Variants in MTMR2 observed in about 807,000 individuals in gnomAD.
MTMR2 encodes myotubularin related protein 2, also known as phosphatidylinositol-3,5-bisphosphate 3-phosphatase MTMR2.
MTMR2 carries 55 observed loss-of-function variants against 86.9 expected under a neutral mutation model. The observed-to-expected ratio is 0.63, with a 90% CI of 0.51 to 0.79. The LOEUF is 0.79. Ranked by LOEUF, MTMR2 falls within the 30% of genes least tolerant of loss-of-function variation. The pLI is 0.00. For missense variants in MTMR2, 659 were observed against 772.3 expected (o/e 0.85, Z 1.74); for synonymous variants, 241 against 266.8 (o/e 0.90, Z 0.94).
At chr11:95,891,826 CAGAG>C (rs915936117) in intron 1 of MTMR2, among the ~76,000 whole-genome samples, 13 of 151,538 alleles carry the variant, frequency 8.6e-5, no homozygotes, top group African/African-American at 3.2e-4. Flanking sequence ...CACACACACA[CAGAG>C]AGAGAGAAAG....
Position 95,833,292 on chromosome 11 carries a change from C to A in MTMR2, c.*1998G>T, listed in dbSNP as rs1014460569. On this transcript the variant is annotated 3_prime_UTR_variant, in exon 15 of 15. Transcript: ENST00000346299. ...GGAGCTTCAACTTAATCATACTGGTCTCTAAATTTTGTAACCCTAATCAAA... is the reference window on the plus strand; with the variant it reads ...GGAGCTTCAACTTAATCATACTGGTATCTAAATTTTGTAACCCTAATCAAA... 1 of 152,028 alleles carries A rather than the reference C, an allele frequency of 6.6e-6. No individual in the cohort carries two copies. The highest frequency in any genetic ancestry group is 2.4e-5 in the African/African-American group (1 of 41,398). The allele number at this position is 152,028 out of a possible 1,614,324, so 9.4% of individuals were successfully genotyped here. A position where few individuals can be genotyped will look rare whatever the true frequency, so the allele number is the denominator to read the frequency against.
At chr11:95,882,032 G>A (rs940296489) in intron 2 of MTMR2, among the ~76,000 whole-genome samples, 6 of 152,084 alleles carry the variant, frequency 3.9e-5, no homozygotes, top group African/African-American at 9.7e-5. Flanking sequence ...AAGGGAGGTC[G>A]TGGTGCTAAT....
rs1405741293 is a variant in MTMR2, at chr11:95,923,861, G to A, written c.80+14C>T. ...CCTTCGGACGCTGGGCGGGGCCCTGGGCGTCCTGGTTACCTGGACAAGGAG... is the reference window on the plus strand; with the variant it reads ...CCTTCGGACGCTGGGCGGGGCCCTGAGCGTCCTGGTTACCTGGACAAGGAG... On this transcript the variant is annotated intron_variant, in intron 1 of 14. Coordinates refer to ENST00000346299, the MANE Select transcript of MTMR2 (RefSeq NM_016156.6). The A allele has an allele frequency of 3.9e-6, 6 of 1,536,826 alleles. No homozygotes were observed. The highest frequency in any genetic ancestry group is 5.3e-6 in the Non-Finnish European group (6 of 1,137,000).
chr11:95,861,206 T>C lies in MTMR2; in HGVS notation c.468+786A>G, dbSNP rs565564853. 3.3e-3 allele frequency among the ~76,000 whole-genome samples: 500 copies of C among 151,178 alleles called. 1 individual carries two copies. Among genetic ancestry groups the C allele is most frequent in the South Asian group, 0.012 (59 of 4,804 alleles). On this transcript the variant is annotated intron_variant, in intron 5 of 14. Transcript: ENST00000346299. ...TAGAAACAGAAAAGATAGGTGATGA[T>C]GAATATAACATATTTAGTTATTTAG... is the stretch of plus-strand genomic sequence containing the variant.
chr11:95,861,094 A>G (rs1307633215), intron 5 of MTMR2, among the ~76,000 whole-genome samples: 1 of 150,680 alleles, frequency 6.6e-6, no homozygotes, highest in Non-Finnish European at 1.5e-5. Context: ...CAGGAGACGG[A>G]GCTTGCAGTG....
chr11:95,901,803 C>T (rs1165010786), intron 1 of MTMR2, among the ~76,000 whole-genome samples: 1 of 152,108 alleles, frequency 6.6e-6, no homozygotes, highest in African/African-American at 2.4e-5. Flanking sequence ...GGGAATGCTC[C>T]TTGGAGCAGA....
In MTMR2 at chr11:95,838,082, T is replaced by G. The variant is rs1863364567; in HGVS notation, c.1593+12A>C. The G allele has an allele frequency of 6.6e-7, 1 of 1,505,174 alleles. No homozygotes were observed. Among genetic ancestry groups the G allele is most frequent in the South Asian group, 1.1e-5 (1 of 88,702 alleles). 93.2% of individuals were successfully genotyped at this position (1,505,174 alleles called of 1,614,324 possible). Reference sequence around the variant, plus strand: ...AGAGATAGTATGGGGAAGGTCATGTTTCATATTTTACCTCTTTTCCTCTCT... The same window carrying G: ...AGAGATAGTATGGGGAAGGTCATGTGTCATATTTTACCTCTTTTCCTCTCT... On this transcript the variant is annotated intron_variant, in intron 13 of 14. Transcript: ENST00000346299.
chr11:95,864,174 C>G (rs1165264506), intron 3 of MTMR2, among the ~76,000 whole-genome samples: 2 of 152,024 alleles, frequency 1.3e-5, no homozygotes, highest in Admixed American at 1.3e-4. Context: ...TACATTAGGA[C>G]AGGGGTTCAC....
chr11:95,892,304 C>CTGGTTTAAA lies in MTMR2; in HGVS notation c.81-4052_81-4044dup, dbSNP rs1865740868. On this transcript the variant is annotated intron_variant, in intron 1 of 14. Transcript: ENST00000346299. Reference sequence around the variant, plus strand: ...TAACATCCTACCTACCCTTTAAGACCTGGTTTAAAAAACTAACTTCTCCAA... The same window carrying CTGGTTTAAA: ...TAACATCCTACCTACCCTTTAAGACCTGGTTTAAATGGTTTAAAAAACTAACTTCTCCAA... Among the ~76,000 whole-genome samples the CTGGTTTAAA allele has an allele frequency of 2.0e-5, 3 of 152,144 alleles. No homozygotes were observed. In the South Asian group the frequency reaches 6.2e-4, roughly 32 times the overall value.
chr11:95,857,163 A>G (rs1864244361), intron 7 of MTMR2, among the ~76,000 whole-genome samples: 1 of 152,178 alleles, frequency 6.6e-6, no homozygotes, highest in South Asian at 2.1e-4. Context: ...TGAAATTTAA[A>G]TACAAAAGTA....
At chr11:95,851,145 C>G (rs980824167) in intron 7 of MTMR2, among the ~76,000 whole-genome samples, 3 of 149,594 alleles carry the variant, frequency 2.0e-5, no homozygotes, top group African/African-American at 7.4e-5. Context: ...GCACTGCAAC[C>G]TCCGCCTCCT....
chr11:95,923,716 C>T, intron 1 of MTMR2, 159 bp downstream of exon 1: 3 of 1,451,436 alleles, frequency 2.1e-6, no homozygotes, highest in Non-Finnish European at 2.7e-6. Context: ...CCTCCACGCC[C>T]CAGGGAGGGA....
rs377431314 is a variant in MTMR2 at position 95,844,940 on chromosome 11, G to A, written c.1386+13C>T. 1.3e-6 allele frequency: 2 copies of A among 1,579,632 alleles called. No individual in the cohort carries two copies. Among genetic ancestry groups the A allele is most frequent in the East Asian group, 4.5e-5 (2 of 44,780 alleles). ...TGCATGTGATATATCCAAAGTCAAG[G>A]TTCCTTACTTACTAGTTGAAATCGA... On this transcript the variant is annotated intron_variant, in intron 11 of 14. Coordinates refer to ENST00000346299, the MANE Select transcript of MTMR2 (RefSeq NM_016156.6).
In MTMR2 at chr11:95,836,251, T is replaced by C. The variant is rs147170889; in HGVS notation, c.1667A>G (p.Tyr556Cys). Residue 556 changes from tyrosine (Y) to cysteine (C), a missense_variant, in exon 14 of 15, where the codon TAT becomes TGT. Tyr to Cys is a radical substitution (Grantham distance 194, BLOSUM62 -2). Coordinates refer to ENST00000346299, the MANE Select transcript of MTMR2 (RefSeq NM_016156.6). The stretch of plus-strand genomic sequence containing the variant: ...AAGGACATGATTGGAATAGCTCCCA[T>C]AGAGAGGATTAGTGAAGTCTTCCAG... Reference protein sequence around the residue: ...SQLEDFTNPLYGSYSNHVLYP... With the variant: ...SQLEDFTNPLCGSYSNHVLYP... The C allele has an allele frequency of 1.1e-5, 17 of 1,612,864 alleles. No homozygotes were observed. In the African/African-American group the frequency reaches 1.9e-4, roughly 18 times the overall value.
intron 7 of MTMR2, among the ~76,000 whole-genome samples, chr11:95,855,919 G>A (rs1590990615): frequency 1.3e-5 from 2 of 152,296 alleles, no homozygotes; most frequent in Middle Eastern, 6.8e-3. Context: ...TAGAATTAGA[G>A]TGTGGTGGTA....
At chr11:95,850,470 C>G in intron 8 of MTMR2, 130 bp downstream of exon 8, 1 of 958,782 alleles carries the variant, frequency 1.0e-6, no homozygotes. Context: ...ATAAATCAAT[C>G]TCCAATATCC....
chr11:95,850,843 T>C, intron 7 of MTMR2, 94 bp from the exon 8 acceptor site: 1 of 1,151,218 alleles, frequency 8.7e-7, no homozygotes, highest in Non-Finnish European at 1.3e-6. Flanking sequence ...CTCTCTGACC[T>C]CTACTATCCA....
chr11:95,841,530 C>G (rs1032693557), intron 12 of MTMR2, 87 bp downstream of exon 12: 1 of 921,942 alleles, frequency 1.1e-6, no homozygotes, highest in Non-Finnish European at 1.8e-6. Context: ...ATTTAATGAT[C>G]TATAGGCTAA....
chr11:95,915,774 A>G (rs1866674897), intron 1 of MTMR2, among the ~76,000 whole-genome samples: 1 of 152,156 alleles, frequency 6.6e-6, no homozygotes, highest in Admixed American at 6.6e-5. Flanking sequence ...ATTGGAAGTA[A>G]GCAGAGTAGG....
Sources: allele counts gnomAD v4.1 joint callset (sites outside exome capture counted in the v4.1 genomes callset), GRCh38; gene constraint gnomAD v4.1.1; transcripts MANE v1.5; gene names NCBI Gene and HGNC (gene_info 2026-07-23, HGNC 2026-07-21).